Variants in DPP6 observed in about 807,000 individuals in gnomAD.
The protein encoded by DPP6 is dipeptidyl peptidase like 6.
Under a neutral mutation model 122.6 loss-of-function variants are expected in DPP6, and 69 were observed. The observed-to-expected ratio is 0.56, with a 90% CI of 0.46 to 0.69. DPP6 has a LOEUF of 0.69. Ranked by LOEUF, DPP6 falls within the 30% of genes least tolerant of loss-of-function variation. The probability of loss-of-function intolerance (pLI) is 0.00; values close to 1 mark genes in which losing one functional copy is unlikely to be tolerated. For synonymous variants in DPP6, 418 were observed against 433.1 expected, an observed-to-expected ratio of 0.97 and a Z score of 0.43; for missense variants, 928 against 1,116.9, an observed-to-expected ratio of 0.83 and a Z score of 2.41.
chr7:153,851,146 C>A, the DPP6 span, among the ~76,000 whole-genome samples: 1 of 152,162 alleles, frequency 6.6e-6, no homozygotes, highest in Non-Finnish European at 1.5e-5. Context: ...CCTTAGCAAG[C>A]GTGGAGTTTC....
chr7:154,533,671 G>A (rs1027530617), intron 3 of DPP6, among the ~76,000 whole-genome samples: 1 of 152,002 alleles, frequency 6.6e-6, no homozygotes, highest in Non-Finnish European at 1.5e-5. Flanking sequence ...ATGATCATGA[G>A]GCAAAAATGC....
At chr7:154,217,588 C>T (rs1224870985) in intron 1 of DPP6, among the ~76,000 whole-genome samples, 1 of 152,178 alleles carries the variant, frequency 6.6e-6, no homozygotes, top group Non-Finnish European at 1.5e-5. Flanking sequence ...GAGCTATCAA[C>T]AGACATATTG....
At chr7:153,909,033 T>C (rs1226046290) in intron 1 of DPP6, among the ~76,000 whole-genome samples, 1 of 152,264 alleles carries the variant, frequency 6.6e-6, no homozygotes, top group African/African-American at 2.4e-5. Flanking sequence ...ATTACAGGCA[T>C]GAGCCACTGT....
chr7:154,603,222 T>C (rs1833471821), intron 5 of DPP6, among the ~76,000 whole-genome samples: 1 of 120,376 alleles, frequency 8.3e-6, no homozygotes, highest in Non-Finnish European at 1.9e-5. Flanking sequence ...TCATTCTCTT[T>C]GTATGTAATT....
chr7:153,788,116 T>G, the DPP6 span, among the ~76,000 whole-genome samples: 1 of 152,242 alleles, frequency 6.6e-6, no homozygotes. Context: ...CTAGGTTATT[T>G]TGTAGACATT....
intron 1 of DPP6, among the ~76,000 whole-genome samples, chr7:153,922,370 G>A (rs1206369023): frequency 6.6e-6 from 1 of 152,086 alleles, no homozygotes; most frequent in African/African-American, 2.4e-5. Context: ...ATAGTGGCAT[G>A]CTTTTGTATT....
rs538700699 is a variant in DPP6 at position 154,290,701 on chromosome 7, C to T, written c.244-155513C>T. 1.0e-3 allele frequency among the ~76,000 whole-genome samples: 155 copies of T among 152,112 alleles called. 1 individual carries two copies. The highest frequency in any genetic ancestry group is 3.2e-3 in the African/African-American group (134 of 41,494). The stretch of plus-strand genomic sequence containing the variant: ...CATGACTCATTTGTATGTGATGTTC[C>T]ACTTGGCAGCCATTTTCCTCTAGTC... On this transcript the variant is annotated intron_variant, in intron 1 of 25. Coordinates refer to ENST00000377770, the MANE Select transcript of DPP6 (RefSeq NM_130797.4).
At chr7:154,614,866 ATGT>A (rs908523613) in intron 5 of DPP6, among the ~76,000 whole-genome samples, 1 of 152,222 alleles carries the variant, frequency 6.6e-6, no homozygotes, top group Admixed American at 6.5e-5. Flanking sequence ...AGTATGTCAA[ATGT>A]TGTTGTCTTC....
chr7:153,941,333 C>G (rs1474152932), intron 1 of DPP6, among the ~76,000 whole-genome samples: 1 of 152,200 alleles, frequency 6.6e-6, no homozygotes, highest in African/African-American at 2.4e-5. Context: ...GGCATTTTCT[C>G]TAAAGCAAAC....
At chr7:154,837,187 G>A (rs57040013) in intron 16 of DPP6, among the ~76,000 whole-genome samples, 3,489 of 148,544 alleles carry the variant, frequency 0.023, 126 homozygotes, top group African/African-American at 0.082. Flanking sequence ...ACAGATGCAT[G>A]CATGCATAAC....
chr7:154,181,671 C>G (rs1326132554), intron 1 of DPP6, among the ~76,000 whole-genome samples: 1 of 151,804 alleles, frequency 6.6e-6, no homozygotes, highest in South Asian at 2.1e-4. Flanking sequence ...CCTTATCTCT[C>G]TGTGTGTGTT....
At chr7:154,485,798 T>C (rs1032056013) in intron 3 of DPP6, among the ~76,000 whole-genome samples, 3 of 152,210 alleles carry the variant, frequency 2.0e-5, no homozygotes, top group African/African-American at 7.2e-5. Flanking sequence ...GGCAGGAATT[T>C]TTTTTTTATT....
intron 1 of DPP6, among the ~76,000 whole-genome samples, chr7:154,307,850 A>G (rs533815854): frequency 3.5e-4 from 53 of 151,822 alleles, no homozygotes; most frequent in African/African-American, 1.3e-3. Flanking sequence ...AGACCAGGAA[A>G]GAGGAATATG....
intron 7 of DPP6, among the ~76,000 whole-genome samples, chr7:154,718,104 G>GT (rs1841594020): frequency 6.6e-6 from 1 of 152,068 alleles, no homozygotes; most frequent in Non-Finnish European, 1.5e-5. Flanking sequence ...AAATGATTTG[G>GT]TTTTTGCTAT....
intron 1 of DPP6, among the ~76,000 whole-genome samples, chr7:154,073,604 G>T (rs1803287085): frequency 6.6e-6 from 1 of 152,200 alleles, no homozygotes; most frequent in Non-Finnish European, 1.5e-5. Flanking sequence ...ATTAATACAT[G>T]AATGAACTTC....
chr7:154,023,475 A>G (rs532836902), intron 1 of DPP6, among the ~76,000 whole-genome samples: 2 of 151,788 alleles, frequency 1.3e-5, no homozygotes, highest in South Asian at 2.1e-4. Flanking sequence ...GGTATATTTG[A>G]AATACTGCCT....
intron 1 of DPP6, among the ~76,000 whole-genome samples, chr7:154,137,648 G>A (rs1469809959): frequency 2.0e-5 from 1 of 50,566 alleles, no homozygotes; most frequent in African/African-American, 7.8e-5. Context: ...TGGTGGGGGG[G>A]GTGGGGGGGT....
At chr7:153,919,325 C>T (rs1174106585) in intron 1 of DPP6, among the ~76,000 whole-genome samples, 1 of 152,122 alleles carries the variant, frequency 6.6e-6, no homozygotes, top group Non-Finnish European at 1.5e-5. Context: ...CCTCCTGGGG[C>T]ACCAGTGCAT....
chr7:154,160,394 A>G (rs1585518966), intron 1 of DPP6, among the ~76,000 whole-genome samples: 2 of 152,182 alleles, frequency 1.3e-5, no homozygotes, highest in Admixed American at 6.5e-5. Context: ...TGCTTCCCCA[A>G]TGCAGGCTTT....
Sources: gnomAD v4.1 joint callset for allele counts (sites outside exome capture counted in the v4.1 genomes callset) on GRCh38, gnomAD v4.1.1 for gene constraint, MANE v1.5 for transcripts, NCBI Gene and HGNC (gene_info 2026-07-23, HGNC 2026-07-21) for gene names.